UBASH3B: variants seen among roughly 807,000 people sequenced by gnomAD.
The protein encoded by UBASH3B is ubiquitin associated and SH3 domain containing B.
In UBASH3B, 37 loss-of-function variants were observed where a neutral mutation model predicts 83.4. That is an observed-to-expected ratio of 0.44 (90% CI 0.34 to 0.58). The LOEUF (loss-of-function observed/expected upper bound fraction) is 0.58, where lower values mean the gene tolerates loss of function less well. Among genes scored for constraint, UBASH3B ranks in the 20% least tolerant of loss-of-function variants. The pLI is 0.01. For missense variants in UBASH3B, 657 were observed against 827.2 expected, an observed-to-expected ratio of 0.79 and a Z score of 2.52; for synonymous variants, 304 against 318.3, an observed-to-expected ratio of 0.96 and a Z score of 0.48.
At chr11:122,757,988 G>T (rs752577706) in intron 1 of UBASH3B, among the ~76,000 whole-genome samples, 1 of 152,064 alleles carries the variant, frequency 6.6e-6, no homozygotes, top group Non-Finnish European at 1.5e-5. Context: ...TTACAGGCGT[G>T]AGCCACCGCA....
chr11:122,660,270 GTGTGT>G (rs1288314063), intron 1 of UBASH3B, among the ~76,000 whole-genome samples: 3 of 152,188 alleles, frequency 2.0e-5, no homozygotes, highest in African/African-American at 7.2e-5. Context: ...ATTTCACGGT[GTGTGT>G]GTGCGTGTGC....
intron 1 of UBASH3B, among the ~76,000 whole-genome samples, chr11:122,702,603 CA>C (rs1160629861): frequency 6.6e-6 from 1 of 151,856 alleles, no homozygotes; most frequent in East Asian, 1.9e-4. Context: ...CAGCTTACTG[CA>C]ACCTTTGCCT....
intron 1 of UBASH3B, among the ~76,000 whole-genome samples, chr11:122,700,843 A>T (rs1864032897): frequency 6.6e-6 from 1 of 152,136 alleles, no homozygotes; most frequent in Non-Finnish European, 1.5e-5. Flanking sequence ...TTTGTAGAGG[A>T]AGTGTGTTTC....
At position 122,753,406 on chromosome 11, in the gene UBASH3B, G is replaced by A. The variant is rs371639787; in HGVS notation, c.162-22813G>A. Among the ~76,000 whole-genome samples, 803 of 151,664 alleles carry A rather than the reference G, an allele frequency of 5.3e-3. 4 individuals are homozygous for A. Among genetic ancestry groups the A allele is most frequent in the Admixed American group, 9.4e-3 (143 of 15,258 alleles). On this transcript the variant is annotated intron_variant, in intron 1 of 13. Coordinates refer to ENST00000284273, the MANE Select transcript of UBASH3B (RefSeq NM_032873.5). ...GCAGAGGTTGCAGTGAGCCGAGATT[G>A]TGCCACTGCACTCCAGCCTGGGCAA...
intron 1 of UBASH3B, among the ~76,000 whole-genome samples, chr11:122,681,096 ATTATTTAAT>A (rs1003489285): frequency 5.7e-4 from 87 of 152,340 alleles, no homozygotes; most frequent in African/African-American, 2.0e-3. Flanking sequence ...TTCGCTAGAA[ATTATTTAAT>A]TTATTCGTAT....
At chr11:122,727,967 C>T (rs1463526293) in intron 1 of UBASH3B, among the ~76,000 whole-genome samples, 1 of 151,862 alleles carries the variant, frequency 6.6e-6, no homozygotes, top group African/African-American at 2.4e-5. Context: ...TGGGGACCTT[C>T]TCCTGCCCTG....
rs893723169 is a variant in UBASH3B at position 122,788,984 on chromosome 11, G to A, written c.772-116G>A. The stretch of plus-strand genomic sequence containing the variant: ...GGGCCTGCAGACCCCAAGGGCTCCT[G>A]GGCACATCGCCCTCTGGAGGTGTGC... On this transcript the variant is annotated intron_variant, in intron 5 of 13. Coordinates refer to ENST00000284273, the MANE Select transcript of UBASH3B (RefSeq NM_032873.5). 12 of 939,642 alleles carry A rather than the reference G, an allele frequency of 1.3e-5. No individual in the cohort carries two copies. In the African/African-American group the frequency reaches 2.0e-4, roughly 15 times the overall value. The allele number at this position is 939,642 out of a possible 1,614,324, so 58.2% of individuals were successfully genotyped here.
intron 1 of UBASH3B, among the ~76,000 whole-genome samples, chr11:122,712,175 C>A (rs1474808534): frequency 1.3e-5 from 2 of 152,102 alleles, no homozygotes; most frequent in Non-Finnish European, 2.9e-5. Context: ...TTCTCAGATA[C>A]CAGGAGCAAG....
intron 2 of UBASH3B, among the ~76,000 whole-genome samples, chr11:122,776,493 AG>A (rs1176558386): frequency 1.3e-5 from 2 of 152,194 alleles, no homozygotes; most frequent in African/African-American, 4.8e-5. Flanking sequence ...AGTAATTCCC[AG>A]ATAGAGCCTC....
At chr11:122,730,640 G>T (rs1196652815) in intron 1 of UBASH3B, among the ~76,000 whole-genome samples, 1 of 151,388 alleles carries the variant, frequency 6.6e-6, no homozygotes, top group Non-Finnish European at 1.5e-5. Flanking sequence ...TTGTTGCCCA[G>T]GCTGGAGTGC....
chr11:122,700,712 G>C (rs191817127), intron 1 of UBASH3B, among the ~76,000 whole-genome samples: 1 of 152,170 alleles, frequency 6.6e-6, no homozygotes. Context: ...GGTCAAGCTG[G>C]TCTTGAACTC....
intron 10 of UBASH3B, among the ~76,000 whole-genome samples, chr11:122,799,973 C>CTCTT (rs1204046955): frequency 6.6e-6 from 1 of 152,170 alleles, no homozygotes; most frequent in African/African-American, 2.4e-5. Context: ...CTTAAGTAAA[C>CTCTT]CTCTTCACTA....
chr11:122,745,233 CGTAACAAACAGAT>C (rs1199637573), intron 1 of UBASH3B, among the ~76,000 whole-genome samples: 1 of 152,190 alleles, frequency 6.6e-6, no homozygotes, highest in Non-Finnish European at 1.5e-5. Flanking sequence ...AACTGGATCA[CGTAACAAACAGAT>C]TAGACTGTCA....
chr11:122,789,090 C>T lies in UBASH3B; in HGVS notation c.772-10C>T. On this transcript the variant is annotated splice_polypyrimidine_tract_variant and intron_variant, in intron 5 of 13. Coordinates refer to ENST00000284273, the MANE Select transcript of UBASH3B (RefSeq NM_032873.5). ...GCATGGGGCTCACTCACCCTCTCTT[C>T]CTTTTCCAGACATTACAGGTCATCT... The T allele has an allele frequency of 6.2e-7, 1 of 1,608,760 alleles. No individual in the cohort carries two copies. The highest frequency in any genetic ancestry group is 2.2e-5 in the East Asian group (1 of 44,718).
chr11:122,730,234 C>T (rs1390306597), intron 1 of UBASH3B, among the ~76,000 whole-genome samples: 1 of 152,102 alleles, frequency 6.6e-6, no homozygotes, highest in Non-Finnish European at 1.5e-5. Flanking sequence ...TGCAGTGAGC[C>T]GAGATGGCTT....
intron 4 of UBASH3B, among the ~76,000 whole-genome samples, chr11:122,779,938 CCAA>C (rs1393217938): frequency 3.3e-5 from 5 of 152,174 alleles, no homozygotes; most frequent in Non-Finnish European, 7.4e-5. Context: ...TCCCTAACAC[CCAA>C]GTTGAAGTTT....
At chr11:122,661,990 T>A (rs1391891256) in intron 1 of UBASH3B, among the ~76,000 whole-genome samples, 1 of 148,984 alleles carries the variant, frequency 6.7e-6, no homozygotes, top group Non-Finnish European at 1.5e-5. Flanking sequence ...CACTGCAACC[T>A]CTGCCTCCTA....
intron 1 of UBASH3B, among the ~76,000 whole-genome samples, chr11:122,663,283 C>G (rs1316627017): frequency 6.6e-6 from 1 of 152,156 alleles, no homozygotes; most frequent in African/African-American, 2.4e-5. Flanking sequence ...GGCCTTACGC[C>G]AGAATTTCTA....
Position 122,806,016 on chromosome 11 carries a change from A to G in UBASH3B, c.1596-394A>G, listed in dbSNP as rs1356597199. Among the ~76,000 whole-genome samples, 1 of 152,210 alleles carries G rather than the reference A, an allele frequency of 6.6e-6. No individual in the cohort carries two copies. Among genetic ancestry groups the G allele is most frequent in the Non-Finnish European group, 1.5e-5 (1 of 68,038 alleles). On this transcript the variant is annotated intron_variant, in intron 11 of 13. Transcript: ENST00000284273. The surrounding 1 kb of genome is among the most constrained non-coding windows in gnomAD (Gnocchi z 4.0). ...GACCTAATATCTGCGTTTAAAACCC[A>G]TCCTTGCTGCTCTTGAAGAGAGGTC...
Sources: allele counts gnomAD v4.1 joint callset (sites outside exome capture counted in the v4.1 genomes callset), GRCh38; gene constraint gnomAD v4.1.1; non-coding constraint Gnocchi (gnomAD v3.1); transcripts MANE v1.5; gene names NCBI Gene and HGNC (gene_info 2026-07-23, HGNC 2026-07-21).